Variants in CFAP47 observed in about 807,000 individuals in gnomAD.
CFAP47 encodes cilia- and flagella-associated protein 47.
In CFAP47, 29 loss-of-function variants were observed where a neutral mutation model predicts 148.1. The observed-to-expected ratio is 0.20, with a 90% CI of 0.15 to 0.27. CFAP47 has a LOEUF of 0.27. Ranked by LOEUF, CFAP47 falls within the 10% of genes least tolerant of loss-of-function variation. The pLI is 1.00. For synonymous variants in CFAP47, 664 were observed against 577.3 expected (o/e 1.15, Z -2.15); for missense variants, 1,872 against 1,697.5 (o/e 1.10, Z -1.81).
At chrX:36,175,636 T>C (rs947565746) in intron 39 of CFAP47, among the ~76,000 whole-genome samples, 2 of 112,268 alleles carry the variant, frequency 1.8e-5, no homozygotes, top group Non-Finnish European at 3.8e-5. Context: ...AGGGACCCAC[T>C]TAAGGAGGCA....
Position 35,968,896 on chromosome X carries a change from G to A in CFAP47, c.1814+1064G>A, listed in dbSNP as rs747282987. Among the ~76,000 whole-genome samples the A allele has an allele frequency of 4.6e-5, 5 of 108,719 alleles. No homozygotes were observed. In the East Asian group the frequency reaches 1.4e-3, roughly 31 times the overall value. The allele number at this position is 108,719 out of a possible 115,157, so 94.4% of individuals were successfully genotyped here. A position where few individuals can be genotyped will look rare whatever the true frequency, so the allele number is the denominator to read the frequency against. ...GGCTCATTCTGTTCACTCCCACCCT[G>A]CAGAGGTGGCTTCTAGCAATAATTT... On this transcript the variant is annotated intron_variant, in intron 10 of 63. Transcript: ENST00000378653.
chrX:36,123,591 C>T (rs1039798587), intron 33 of CFAP47, among the ~76,000 whole-genome samples: 5 of 111,485 alleles, frequency 4.5e-5, no homozygotes, highest in Non-Finnish European at 9.4e-5. Context: ...ACAGTGAGTA[C>T]TGCCAGACCA....
chrX:36,057,133 G>A (rs535131040), intron 26 of CFAP47, among the ~76,000 whole-genome samples: 1 of 111,541 alleles, frequency 9.0e-6, no homozygotes, highest in South Asian at 3.7e-4. Flanking sequence ...TCACAGATGA[G>A]GATGTCAATT....
intron 45 of CFAP47, among the ~76,000 whole-genome samples, chrX:36,225,950 G>A (rs1402931122): frequency 9.0e-6 from 1 of 111,659 alleles, no homozygotes; most frequent in Non-Finnish European, 1.9e-5. Flanking sequence ...ACCAATTCCA[G>A]GGATTTTAAT....
intron 21 of CFAP47, among the ~76,000 whole-genome samples, chrX:36,009,604 G>T (rs1334763702): frequency 2.7e-5 from 3 of 112,109 alleles, no homozygotes; most frequent in Non-Finnish European, 5.6e-5. Flanking sequence ...GAAACCTCAG[G>T]AAAATAACAT....
chrX:35,974,776 A>C (rs1936543375), intron 13 of CFAP47, among the ~76,000 whole-genome samples: 1 of 111,515 alleles, frequency 9.0e-6, no homozygotes. Flanking sequence ...GTCATGGGAA[A>C]TTTACCAGTT....
intron 52 of CFAP47, among the ~76,000 whole-genome samples, chrX:36,300,846 A>G (rs186415630): frequency 6.2e-5 from 7 of 112,644 alleles, no homozygotes; most frequent in African/African-American, 2.3e-4. Flanking sequence ...TTAAACAGAT[A>G]TTAATGACAA....
Position 36,371,886 on chromosome X carries a change from G to GTA in CFAP47, c.9185+4759_9185+4760insTA, listed in dbSNP as rs1556021873. On this transcript the variant is annotated intron_variant, in intron 62 of 63. Transcript: ENST00000378653. The stretch of plus-strand genomic sequence containing the variant: ...TATACACACATGTGTATATATGTGT[G>GTA]CATATACACACATGTGTATATATGT... Among the ~76,000 whole-genome samples the GTA allele has an allele frequency of 4.8e-4, 26 of 54,606 alleles. 2 individuals are homozygous for GTA. In the African/African-American group the frequency reaches 6.0e-3, roughly 12 times the overall value. 47.4% of individuals were successfully genotyped at this position (54,606 alleles called of 115,157 possible).
chrX:35,924,450 T>C (rs1365329411), intron 1 of CFAP47, among the ~76,000 whole-genome samples: 6 of 105,355 alleles, frequency 5.7e-5, no homozygotes, highest in African/African-American at 2.2e-4. Context: ...TACACCTATA[T>C]GTGTATATAG....
At chrX:35,952,817 TC>T (rs1289127424) in intron 6 of CFAP47, among the ~76,000 whole-genome samples, 4 of 112,399 alleles carry the variant, frequency 3.6e-5, no homozygotes, top group Non-Finnish European at 7.5e-5. Context: ...AATATTCTAT[TC>T]TTTTTTCATG....
At chrX:36,325,272 A>G (rs1941509016) in intron 57 of CFAP47, among the ~76,000 whole-genome samples, 1 of 111,566 alleles carries the variant, frequency 9.0e-6, no homozygotes, top group African/African-American at 3.3e-5. Flanking sequence ...TCCTTACAAC[A>G]CTATAAGATA....
At chrX:36,119,545 G>A (rs758553788) in intron 33 of CFAP47, among the ~76,000 whole-genome samples, 11 of 111,237 alleles carry the variant, frequency 9.9e-5, no homozygotes, top group African/African-American at 3.3e-4. Context: ...TCTTTCTCTG[G>A]TTTTGATATC....
intron 45 of CFAP47, among the ~76,000 whole-genome samples, chrX:36,208,326 TAC>T (rs782195989): frequency 9.0e-6 from 1 of 111,566 alleles, no homozygotes; most frequent in East Asian, 2.8e-4. Context: ...ATACTATATG[TAC>T]AGTCATCCCT....
chrX:35,965,797 C>T lies in CFAP47; in HGVS notation c.1411-768C>T, dbSNP rs984670726. ...TGGAGTGTTCCAAACTCATTCTTTT[C>T]CCTCTTTTGGCTACTAGGCTAATGG... On this transcript the variant is annotated intron_variant, in intron 8 of 63. Transcript: ENST00000378653. Among the ~76,000 whole-genome samples the T allele has an allele frequency of 2.7e-5, 3 of 110,859 alleles. No homozygotes were observed. The Admixed American group carries it at 2.9e-4, about 11-fold the overall frequency.
In CFAP47 at chrX:35,980,495, A is replaced by G. The variant is rs1237259489; in HGVS notation, c.2713+4582A>G. Among the ~76,000 whole-genome samples the G allele has an allele frequency of 6.3e-5, 7 of 111,805 alleles. No individual in the cohort carries two copies. In the Admixed American group the frequency reaches 6.7e-4, roughly 11 times the overall value. The stretch of plus-strand genomic sequence containing the variant: ...AGCTGTTCCGTAACCTGACTTTTAC[A>G]TATTCCCCAGGATTTGTCTTTCTGC... On this transcript the variant is annotated intron_variant, in intron 15 of 63. Transcript: ENST00000378653.
intron 56 of CFAP47, among the ~76,000 whole-genome samples, chrX:36,314,328 A>T (rs1196138831): frequency 3.6e-5 from 4 of 111,958 alleles, no homozygotes; most frequent in Admixed American, 1.9e-4. Flanking sequence ...GCAAATAATG[A>T]TTCACGAATC....
At chrX:36,099,301 T>C (rs1171848156) in intron 31 of CFAP47, among the ~76,000 whole-genome samples, 2 of 110,756 alleles carry the variant, frequency 1.8e-5, no homozygotes, top group African/African-American at 6.6e-5. Flanking sequence ...GTTTACTTTG[T>C]GGTAACCTAC....
chrX:36,167,868 C>T (rs1177000336), intron 39 of CFAP47, among the ~76,000 whole-genome samples: 1 of 111,778 alleles, frequency 8.9e-6, no homozygotes, highest in African/African-American at 3.3e-5. Context: ...GCCCTTAGAA[C>T]AATCTCCAGA....
chrX:36,126,112 A>T (rs1601997782), intron 33 of CFAP47, among the ~76,000 whole-genome samples: 1 of 108,630 alleles, frequency 9.2e-6, no homozygotes, highest in East Asian at 2.9e-4. Flanking sequence ...TTATACTTTA[A>T]GTACTGGGGT....
Sources: allele counts gnomAD v4.1 joint callset (sites outside exome capture counted in the v4.1 genomes callset), GRCh38; gene constraint gnomAD v4.1.1; transcripts MANE v1.5; gene names NCBI Gene and HGNC (gene_info 2026-07-23, HGNC 2026-07-21).